TDRD15: variants seen among roughly 807,000 people sequenced by gnomAD.
TDRD15 encodes tudor domain-containing protein 15.
For missense variants in TDRD15, 1,416 were observed against 904.7 expected (o/e 1.57, Z -7.25); for synonymous variants, 503 against 314.5 (o/e 1.60, Z -6.34).
At chr2:21,124,654 G>A (rs921779656) in intron 1 of TDRD15, among the ~76,000 whole-genome samples, 3 of 140,670 alleles carry the variant, frequency 2.1e-5, no homozygotes, top group Admixed American at 7.2e-5. Flanking sequence ...CCTAATGCCA[G>A]GGTGTGTGTA....
chr2:21,126,957 T>C (rs1665610521), intron 1 of TDRD15, among the ~76,000 whole-genome samples: 4 of 152,230 alleles, frequency 2.6e-5, no homozygotes, highest in Non-Finnish European at 2.9e-5. Flanking sequence ...ACCTTTGCAG[T>C]TATTCTATAC....
rs1665857915 is a variant in TDRD15 at position 21,138,520 on chromosome 2, A to G, written c.1053A>G (p.Ser351=). The G allele has an allele frequency of 1.4e-6, 1 of 715,874 alleles. No homozygotes were observed. Among genetic ancestry groups the G allele is most frequent in the Admixed American group, 2.0e-5 (1 of 49,852 alleles). 44.3% of individuals were successfully genotyped at this position (715,874 alleles called of 1,614,324 possible). Residue 351 remains serine, a synonymous_variant, in exon 4 of 4, where the codon TCA becomes TCG. Coordinates refer to ENST00000405799, the MANE Select transcript of TDRD15 (RefSeq NM_001306137.2). ...ATTTTATTTTAGTACCATTATTTTCATTTCCATGTTCTCTGACATGTTTGC... is the reference window on the plus strand; with the variant it reads ...ATTTTATTTTAGTACCATTATTTTCGTTTCCATGTTCTCTGACATGTTTGC... ...KQDFILVPLF[S]FPCSLTCLHS...
rs1451054436 is a variant in TDRD15, at chr2:21,137,890, G to A, written c.423G>A (p.Leu141=). The stretch of plus-strand genomic sequence containing the variant: ...GGGAAAAATGGTCCCCTAAAGCTTT[G>A]AATTATTTCAAGTCATTAGTAGGAA... ...PVGEKWSPKA[L]NYFKSLVGIQ... is the part of the protein sequence containing the mutation. Residue 141 remains leucine, a synonymous_variant, in exon 4 of 4, where the codon TTG becomes TTA. Coordinates refer to ENST00000405799, the MANE Select transcript of TDRD15 (RefSeq NM_001306137.2). 2.8e-6 allele frequency: 2 copies of A among 716,042 alleles called. No individual in the cohort carries two copies. Among genetic ancestry groups the A allele is most frequent in the East Asian group, 2.7e-5 (1 of 37,268 alleles). 44.4% of individuals were successfully genotyped at this position (716,042 alleles called of 1,614,324 possible).
At position 21,140,318 on chromosome 2, in the gene TDRD15, C is replaced by G; in HGVS notation, c.2851C>G (p.Leu951Val). 1 of 713,892 alleles carries G rather than the reference C, an allele frequency of 1.4e-6. No individual in the cohort carries two copies. The allele number at this position is 713,892 out of a possible 1,614,324, so 44.2% of individuals were successfully genotyped here. A position where few individuals can be genotyped will look rare whatever the true frequency, so the allele number is the denominator to read the frequency against. ...LSETFPSLFS[L>V]YSYCYSSFNI... is the part of the protein sequence containing the mutation. ...AGAGACATTCCCATCTTTATTTAGT[C>G]TTTACAGTTACTGTTATTCTTCCTT... Residue 951 changes from leucine to valine, a missense_variant, in exon 4 of 4, where the codon CTT becomes GTT. Coordinates refer to ENST00000405799, the MANE Select transcript of TDRD15 (RefSeq NM_001306137.2).
Position 21,139,437 on chromosome 2 carries a change from T to C in TDRD15, c.1970T>C (p.Leu657Ser). The C allele has an allele frequency of 1.4e-6, 1 of 712,670 alleles. No individual in the cohort carries two copies. Among genetic ancestry groups the C allele is most frequent in the Non-Finnish European group, 2.6e-6 (1 of 383,322 alleles). The allele number at this position is 712,670 out of a possible 1,614,324, so 44.1% of individuals were successfully genotyped here. Residue 657 changes from leucine (L) to serine (S), a missense_variant, in exon 4 of 4, where the codon TTA (leucine) becomes TCA (serine). Transcript: ENST00000405799. The part of the protein sequence containing the change: ...SENIDVISLM[L>S]QAGYAEYFQV... The stretch of plus-strand genomic sequence containing the variant: ...AATATTGATGTTATCTCTCTTATGT[T>C]ACAAGCTGGATATGCAGAATATTTT...
At chr2:21,136,969 T>G (rs946674509) in intron 3 of TDRD15, among the ~76,000 whole-genome samples, 6 of 151,914 alleles carry the variant, frequency 3.9e-5, no homozygotes, top group African/African-American at 1.5e-4. Context: ...CCGCACAGAG[T>G]GGGGAGTGAA....
At chr2:21,128,472 G>A (rs1558295247) in intron 2 of TDRD15, among the ~76,000 whole-genome samples, 3 of 151,674 alleles carry the variant, frequency 2.0e-5, no homozygotes, top group Non-Finnish European at 2.9e-5. Context: ...ACAGGCGCCC[G>A]CCACCACGCC....
chr2:21,144,273 C>G lies in TDRD15; in HGVS notation c.*1001C>G, dbSNP rs1489515442. Among the ~76,000 whole-genome samples the G allele has an allele frequency of 6.6e-6, 1 of 151,736 alleles. No individual in the cohort carries two copies. The highest frequency in any genetic ancestry group is 1.5e-5 in the Non-Finnish European group (1 of 67,768). On this transcript the variant is annotated 3_prime_UTR_variant, in exon 4 of 4. Coordinates refer to ENST00000405799, the MANE Select transcript of TDRD15 (RefSeq NM_001306137.2). ...TGTTTATCCACATTACATTCATTTTCTGTATGGATTAGTTACTGAGGATTT... is the reference window on the plus strand; with the variant it reads ...TGTTTATCCACATTACATTCATTTTGTGTATGGATTAGTTACTGAGGATTT...
chr2:21,146,398 C>G (rs916859624), downstream of TDRD15, among the ~76,000 whole-genome samples: 2 of 152,010 alleles, frequency 1.3e-5, no homozygotes, highest in Admixed American at 1.3e-4. Flanking sequence ...ATTTTAACAT[C>G]AGTGTTTAGA....
Position 21,139,366 on chromosome 2 carries a change from A to T in TDRD15, c.1899A>T (p.Lys633Asn). The T allele has an allele frequency of 1.4e-6, 1 of 704,104 alleles. No homozygotes were observed. The highest frequency in any genetic ancestry group is 2.6e-6 in the Non-Finnish European group (1 of 381,264). The allele number at this position is 704,104 out of a possible 1,614,324, so 43.6% of individuals were successfully genotyped here. A position where few individuals can be genotyped will look rare whatever the true frequency, so the allele number is the denominator to read the frequency against. The change falls in exon 4 of 4, where the codon AAA becomes AAT. Residue 633 changes from lysine (K) to asparagine (N), a missense_variant. Physicochemically the swap from Lys to Asn is moderately conservative, Grantham distance 94. Coordinates refer to ENST00000405799, the MANE Select transcript of TDRD15 (RefSeq NM_001306137.2). ...TTTTGCTTCAGGTTATAGCAAAAAA[A>T]GATGACAAGTACACTGTAAATATTC... ...KAILLQVIAKKDDKYTVNIQS... is the reference protein window; with the variant it reads ...KAILLQVIAKNDDKYTVNIQS...
chr2:21,124,773 A>G (rs1260479572), intron 1 of TDRD15, among the ~76,000 whole-genome samples: 5 of 108,948 alleles, frequency 4.6e-5, no homozygotes, highest in Non-Finnish European at 9.1e-5. Context: ...GGTGATCCTA[A>G]TGCCAGGGTA....
chr2:21,129,883 G>A (rs932924436), intron 2 of TDRD15, among the ~76,000 whole-genome samples: 6 of 152,192 alleles, frequency 3.9e-5, no homozygotes, highest in African/African-American at 1.2e-4. Flanking sequence ...GAGAAGTCCA[G>A]GGTCAAGGGG....
chr2:21,131,343 G>T (rs1249867450), intron 2 of TDRD15, among the ~76,000 whole-genome samples: 1 of 152,106 alleles, frequency 6.6e-6, no homozygotes, highest in Non-Finnish European at 1.5e-5. Flanking sequence ...ATAAAATCAT[G>T]CATATTTAAA....
At position 21,136,561 on chromosome 2, in the gene TDRD15, T is replaced by G. The variant is rs113698502; in HGVS notation, c.-3-904T>G. Among the ~76,000 whole-genome samples the G allele has an allele frequency of 2.0e-3, 303 of 152,150 alleles. 1 individual carries two copies. The highest frequency in any genetic ancestry group is 6.9e-3 in the African/African-American group (288 of 41,540). Reference sequence around the variant, plus strand: ...TTGAGGGGGAAGGCATCCAATGTTTTTCTCTTACTCATCCTCATAGAAATA... The same window carrying G: ...TTGAGGGGGAAGGCATCCAATGTTTGTCTCTTACTCATCCTCATAGAAATA... On this transcript the variant is annotated intron_variant, in intron 3 of 3. Transcript: ENST00000405799.
At chr2:21,126,782 C>G (rs1421438495) in intron 1 of TDRD15, among the ~76,000 whole-genome samples, 1 of 152,196 alleles carries the variant, frequency 6.6e-6, no homozygotes, top group Admixed American at 6.5e-5. Flanking sequence ...CAGTCTCCTA[C>G]AAGTTTTTGT....
downstream of TDRD15, among the ~76,000 whole-genome samples, chr2:21,144,807 TA>T (rs1666006575): frequency 6.7e-6 from 1 of 149,948 alleles, no homozygotes; most frequent in African/African-American, 2.4e-5. Context: ...ACAAAATAAA[TA>T]AAACCAAAAA....
chr2:21,141,406 G>A lies in TDRD15; in HGVS notation c.3939G>A (p.Gln1313=), dbSNP rs1665928596. The A allele has an allele frequency of 1.4e-6, 1 of 713,198 alleles. No individual in the cohort carries two copies. Among genetic ancestry groups the A allele is most frequent in the African/African-American group, 1.8e-5 (1 of 57,018 alleles). The allele number at this position is 713,198 out of a possible 1,614,324, so 44.2% of individuals were successfully genotyped here. Residue 1313 remains glutamine (Q), a synonymous_variant, in exon 4 of 4, where the codon CAG becomes CAA. Coordinates refer to ENST00000405799, the MANE Select transcript of TDRD15 (RefSeq NM_001306137.2). ...NISNPANFHI[Q]LAENESVIIR... ...GTAATCCAGCGAATTTCCATATTCA[G>A]CTTGCTGAGAATGAAAGTGTAATTA...
At chr2:21,137,444 T>C (rs763495530) in intron 3 of TDRD15, 21 bp from the exon 4 acceptor site, 14 of 607,560 alleles carry the variant, frequency 2.3e-5, no homozygotes, top group Non-Finnish European at 3.9e-5. Flanking sequence ...AGCTAATGAG[T>C]AATTATTATT....
intron 2 of TDRD15, 71 bp downstream of exon 2, chr2:21,127,782 C>T (rs1391969033): frequency 6.6e-6 from 1 of 152,016 alleles, no homozygotes; most frequent in Non-Finnish European, 1.5e-5. Context: ...CCGTTCTGTT[C>T]CTTTGCATTT....
Sources: allele counts gnomAD v4.1 joint callset (sites outside exome capture counted in the v4.1 genomes callset), GRCh38; gene constraint gnomAD v4.1.1; transcripts MANE v1.5; gene names NCBI Gene and HGNC (gene_info 2026-07-23, HGNC 2026-07-21).